The following STARD13 variants were observed in gnomAD, a reference collection of about 807,000 sequenced individuals.
The protein encoded by STARD13 is StAR related lipid transfer domain containing 13, also known as stAR-related lipid transfer protein 13.
In STARD13, 62 loss-of-function variants were observed where a neutral mutation model predicts 106.4. The observed-to-expected ratio is 0.58, with a 90% CI of 0.48 to 0.72. The LOEUF is 0.72. STARD13 is among the 30% of genes least tolerant of loss of function. The pLI, the probability that STARD13 is intolerant of heterozygous loss-of-function variation, is 0.00. For missense variants in STARD13, 1,387 were observed against 1,424.0 expected, an observed-to-expected ratio of 0.97 and a Z score of 0.42; for synonymous variants, 565 against 553.0, an observed-to-expected ratio of 1.02 and a Z score of -0.31.
chr13:33,568,759 A>G, the STARD13 span, among the ~76,000 whole-genome samples: 1 of 148,472 alleles, frequency 6.7e-6, no homozygotes, highest in Non-Finnish European at 1.5e-5. Context: ...TATAGAATTT[A>G]CATTTAGCTA....
chr13:33,108,269 C>G lies in STARD13; in HGVS notation c.3048-1335G>C, dbSNP rs114504072. Reference sequence around the variant, plus strand: ...CAGGAGGCATCTCAGCCCCGTGCCTCCTCACCACACTCATCACTTTCCACC... The same window carrying G: ...CAGGAGGCATCTCAGCCCCGTGCCTGCTCACCACACTCATCACTTTCCACC... On this transcript the variant is annotated intron_variant, in intron 12 of 13. Transcript: ENST00000336934. Among the ~76,000 whole-genome samples, 624 of 152,284 alleles carry G rather than the reference C, an allele frequency of 4.1e-3. 2 individuals are homozygous for G. The highest frequency in any genetic ancestry group is 0.014 in the African/African-American group (575 of 41,562).
the STARD13 span, among the ~76,000 whole-genome samples, chr13:33,542,593 A>C: frequency 1.3e-5 from 2 of 151,288 alleles, no homozygotes; most frequent in Admixed American, 6.6e-5. Flanking sequence ...AGGCGCGCGC[A>C]CCAGCAACCA....
intron 5 of STARD13, among the ~76,000 whole-genome samples, chr13:33,128,268 G>T (rs574483393): frequency 6.6e-6 from 1 of 152,234 alleles, no homozygotes; most frequent in East Asian, 1.9e-4. Context: ...TTTTCTCATT[G>T]TCTTCCATGT....
chr13:33,596,781 T>G, the STARD13 span, among the ~76,000 whole-genome samples: 1 of 152,224 alleles, frequency 6.6e-6, no homozygotes, highest in African/African-American at 2.4e-5. Context: ...AGTGAGAACA[T>G]GCAATATTTG....
the STARD13 span, among the ~76,000 whole-genome samples, chr13:33,516,189 TTA>T: frequency 6.8e-6 from 1 of 147,896 alleles, no homozygotes; most frequent in African/African-American, 2.5e-5. Flanking sequence ...TATATATGAA[TTA>T]TATATATTTA....
chr13:33,126,274 C>T, intron 6 of STARD13, 34 bp from the exon 7 acceptor site: 3 of 1,608,486 alleles, frequency 1.9e-6, no homozygotes, highest in Non-Finnish European at 1.7e-6. Flanking sequence ...ATGCAAGCCT[C>T]CTGGGTCACA....
intron 1 of STARD13, among the ~76,000 whole-genome samples, chr13:33,337,073 A>T (rs1212527147): frequency 6.6e-6 from 1 of 152,170 alleles, no homozygotes. Context: ...TGCATTAGCA[A>T]AGGAGGATTT....
intron 4 of STARD13, among the ~76,000 whole-genome samples, chr13:33,141,186 A>G (rs1456743549): frequency 6.6e-6 from 1 of 152,228 alleles, no homozygotes; most frequent in Admixed American, 6.5e-5. Context: ...GAATTTCCTA[A>G]AAAGAATCAA....
chr13:33,622,639 A>AG, the STARD13 span, among the ~76,000 whole-genome samples: 1 of 141,096 alleles, frequency 7.1e-6, no homozygotes, highest in Non-Finnish European at 1.5e-5. Flanking sequence ...AAAAAAAAAA[A>AG]GGCTGGGCGT....
At chr13:33,120,256 G>T (rs1256046499) in intron 7 of STARD13, among the ~76,000 whole-genome samples, 3 of 152,236 alleles carry the variant, frequency 2.0e-5, no homozygotes, top group East Asian at 3.8e-4. Flanking sequence ...TGTCGAGCAC[G>T]TTCCTCTTTT....
chr13:33,364,471 G>A, the STARD13 span, among the ~76,000 whole-genome samples: 5 of 152,114 alleles, frequency 3.3e-5, no homozygotes, highest in African/African-American at 1.2e-4. Context: ...TGAATTTAAC[G>A]TGCAAGTTTG....
chr13:33,425,615 T>C, the STARD13 span, among the ~76,000 whole-genome samples: 409 of 152,340 alleles, frequency 2.7e-3, 2 homozygotes, highest in African/African-American at 9.0e-3. Context: ...ACACTGAAGG[T>C]GTACCCTGCA....
At chr13:33,636,937 G>A in the STARD13 span, among the ~76,000 whole-genome samples, 165 of 152,254 alleles carry the variant, frequency 1.1e-3, no homozygotes, top group Non-Finnish European at 2.0e-3. Flanking sequence ...ATGTAATAAT[G>A]TCAGTGGTGT....
intron 3 of STARD13, among the ~76,000 whole-genome samples, chr13:33,153,392 A>G (rs1227666349): frequency 6.6e-6 from 1 of 152,196 alleles, no homozygotes. Context: ...CCAGAGAGGG[A>G]TGCCCAGGGC....
intron 1 of STARD13, among the ~76,000 whole-genome samples, chr13:33,311,972 C>T (rs1193459022): frequency 2.0e-5 from 3 of 152,190 alleles, no homozygotes; most frequent in East Asian, 1.9e-4. Context: ...ACACTTAATG[C>T]TGTTTCTATA....
chr13:33,523,509 A>G, the STARD13 span, among the ~76,000 whole-genome samples: 1 of 152,148 alleles, frequency 6.6e-6, no homozygotes, highest in Non-Finnish European at 1.5e-5. Flanking sequence ...GCAACTGTAT[A>G]CAACCTTGCA....
intron 1 of STARD13, among the ~76,000 whole-genome samples, chr13:33,270,556 G>A (rs1594194798): frequency 6.6e-6 from 1 of 152,116 alleles, no homozygotes; most frequent in Non-Finnish European, 1.5e-5. Context: ...CCATTTCATA[G>A]ATTCAAAAAC....
intron 1 of STARD13, among the ~76,000 whole-genome samples, chr13:33,301,613 G>T (rs1486991405): frequency 7.1e-6 from 1 of 140,346 alleles, no homozygotes; most frequent in Non-Finnish European, 1.5e-5. Flanking sequence ...TGTTGACCAG[G>T]CTGGAGTACC....
rs568521093 is a variant in STARD13, at chr13:33,194,482, A to T, written c.170-26860T>A. On this transcript the variant is annotated intron_variant, in intron 1 of 13. Transcript: ENST00000336934. ...TAAATGTACATTCTTTCATGGTAAG[A>T]ATATTTTTAAAAGGTTAATCAGCAT... Among the ~76,000 whole-genome samples the T allele has an allele frequency of 7.9e-5, 12 of 152,320 alleles. No individual in the cohort carries two copies. In the South Asian group the frequency reaches 2.5e-3, roughly 32 times the overall value.
Sources: allele counts gnomAD v4.1 joint callset (sites outside exome capture counted in the v4.1 genomes callset), GRCh38; gene constraint gnomAD v4.1.1; transcripts MANE v1.5; gene names NCBI Gene and HGNC (gene_info 2026-07-23, HGNC 2026-07-21).